CD99: variants seen among roughly 807,000 people sequenced by gnomAD.
CD99 encodes CD99 molecule (Xg blood group).
A neutral mutation model predicts 28.4 loss-of-function variants in CD99; 19 were observed. That is an observed-to-expected ratio of 0.67 (90% CI 0.47 to 0.98). The LOEUF is 0.98. Among genes scored for constraint, CD99 ranks in the 50% least tolerant of loss-of-function variants. The pLI, the probability that CD99 is intolerant of heterozygous loss-of-function variation, is 0.00. For missense variants in CD99, 283 were observed against 248.8 expected (o/e 1.14, Z -0.92); for synonymous variants, 103 against 92.1 (o/e 1.12, Z -0.67).
At chrX:2,738,863 TTAGAGA>T (rs1471294075) in intron 9 of CD99, among the ~76,000 whole-genome samples, 1 of 151,804 alleles carries the variant, frequency 6.6e-6, no homozygotes, top group African/African-American at 2.4e-5. Context: ...TTTTTTGTTG[TTAGAGA>T]TAGGGTCTCA....
intron 1 of CD99, chrX:2,692,078 C>T (rs2047335941): frequency 1.7e-6 from 1 of 605,624 alleles, no homozygotes; most frequent in Non-Finnish European, 3.0e-6. Flanking sequence ...GTGGAGAATT[C>T]GGAAAACAGA....
chrX:2,726,532 C>T, intron 8 of CD99, 159 bp downstream of exon 8: 3 of 698,792 alleles, frequency 4.3e-6, no homozygotes, highest in Non-Finnish European at 7.8e-6. Flanking sequence ...AACCTTCTGG[C>T]TTTGATTTCA....
intron 1 of CD99, among the ~76,000 whole-genome samples, chrX:2,693,958 C>G (rs2047450599): frequency 6.6e-6 from 1 of 152,172 alleles, no homozygotes; most frequent in Non-Finnish European, 1.5e-5. Context: ...AGGACGGCCT[C>G]CAGCACAAAG....
At chrX:2,740,568 C>T (rs2050149873) in intron 9 of CD99, among the ~76,000 whole-genome samples, 1 of 149,930 alleles carries the variant, frequency 6.7e-6, no homozygotes, top group African/African-American at 2.5e-5. Flanking sequence ...TCTGCTTTTT[C>T]TGCAGCATCC....
chrX:2,717,760 T>A (rs918364531), intron 3 of CD99, 108 bp downstream of exon 3: 2 of 960,858 alleles, frequency 2.1e-6, no homozygotes, highest in African/African-American at 3.3e-5. Context: ...ATTTGAGTGC[T>A]CCGGCTGGAG....
rs1299673131 is a variant in CD99, at chrX:2,726,792, C to T, written c.475+419C>T. On this transcript the variant is annotated intron_variant, in intron 8 of 9. Transcript: ENST00000381192. Reference sequence around the variant, plus strand: ...CCGATGTCATCATCAGGAGGAGAGCCGTGACCAGGGGGCCGCCACGGTCCT... The same window carrying T: ...CCGATGTCATCATCAGGAGGAGAGCTGTGACCAGGGGGCCGCCACGGTCCT... Among the ~76,000 whole-genome samples, 5 of 151,198 alleles carry T rather than the reference C, an allele frequency of 3.3e-5. 1 individual carries two copies. The highest frequency in any genetic ancestry group is 1.9e-4 in the East Asian group (1 of 5,170).
chrX:2,740,918 G>A lies in CD99; in HGVS notation c.*114G>A. 8.7e-7 allele frequency: 1 copy of A among 1,143,600 alleles called. No homozygotes were observed. The allele number at this position is 1,143,600 out of a possible 1,614,324, so 70.8% of individuals were successfully genotyped here. On this transcript the variant is annotated 3_prime_UTR_variant, in exon 10 of 10. Coordinates refer to ENST00000381192, the MANE Select transcript of CD99 (RefSeq NM_002414.5). Reference sequence around the variant, plus strand: ...CAGAGATGGAGGCCTTCTGTTCACGGCGGATTCTTTGTTTTAATCTTGCGA... The same window carrying A: ...CAGAGATGGAGGCCTTCTGTTCACGACGGATTCTTTGTTTTAATCTTGCGA...
chrX:2,692,824 C>G (rs1481609855), intron 1 of CD99, among the ~76,000 whole-genome samples: 1 of 152,166 alleles, frequency 6.6e-6, no homozygotes, highest in African/African-American at 2.4e-5. Flanking sequence ...CCTTCTTTTG[C>G]ACCTACTGTG....
intron 8 of CD99, among the ~76,000 whole-genome samples, chrX:2,733,051 G>A (rs188856154): frequency 3.2e-5 from 4 of 123,330 alleles, no homozygotes; most frequent in East Asian, 2.2e-4. Flanking sequence ...TTCCCTCCTC[G>A]TTCCTTCCCT....
chrX:2,703,415 C>T (rs1569428240), intron 1 of CD99, among the ~76,000 whole-genome samples: 1 of 152,100 alleles, frequency 6.6e-6, no homozygotes. Flanking sequence ...TGTCTATTCA[C>T]TGCGGTGTCT....
chrX:2,714,109 A>G (rs2048572558), intron 1 of CD99, among the ~76,000 whole-genome samples: 1 of 152,216 alleles, frequency 6.6e-6, no homozygotes, highest in East Asian at 1.9e-4. Context: ...CATATTCAAA[A>G]TTGTTATTCA....
chrX:2,736,329 A>C (rs2049938377), intron 8 of CD99, among the ~76,000 whole-genome samples: 1 of 151,854 alleles, frequency 6.6e-6, no homozygotes, highest in African/African-American at 2.4e-5. Flanking sequence ...TGTGAGGGGG[A>C]AACGCATGGC....
chrX:2,732,223 T>C (rs1157425271), intron 8 of CD99, among the ~76,000 whole-genome samples: 1 of 152,096 alleles, frequency 6.6e-6, no homozygotes, highest in African/African-American at 2.4e-5. Flanking sequence ...TGACTTCGCA[T>C]CTGGGTGTGT....
rs554221064 is a variant in CD99, at chrX:2,702,666, G to C, written c.67+11239G>C. ...TAAACATGTGTCATGAGGTTTTGTT[G>C]TACAGATTATTTCATCACTGTGGTA... On this transcript the variant is annotated intron_variant, in intron 1 of 9. Transcript: ENST00000381192. Among the ~76,000 whole-genome samples, 25 of 152,104 alleles carry C rather than the reference G, an allele frequency of 1.6e-4. 1 individual carries two copies. The highest frequency in any genetic ancestry group is 5.8e-4 in the African/African-American group (24 of 41,498).
chrX:2,725,979 G>T (rs1057230690), intron 7 of CD99, among the ~76,000 whole-genome samples: 1 of 152,084 alleles, frequency 6.6e-6, no homozygotes, highest in Non-Finnish European at 1.5e-5. Context: ...GCTTCTGCCC[G>T]TACCTCGCTG....
intron 5 of CD99, 51 bp downstream of exon 5, chrX:2,720,475 G>C (rs770114073): frequency 1.2e-5 from 19 of 1,540,626 alleles, no homozygotes; most frequent in Non-Finnish European, 1.7e-5. Flanking sequence ...AGAATTCAGC[G>C]ATATTTATGT....
At chrX:2,723,882 A>G (rs1201501539) in intron 7 of CD99, among the ~76,000 whole-genome samples, 1 of 152,090 alleles carries the variant, frequency 6.6e-6, no homozygotes, top group Non-Finnish European at 1.5e-5. Context: ...ATAATGACAG[A>G]CAGAATTCCT....
chrX:2,700,772 A>G (rs759499836), intron 1 of CD99, among the ~76,000 whole-genome samples: 71 of 150,594 alleles, frequency 4.7e-4, no homozygotes, highest in African/African-American at 6.1e-4. Flanking sequence ...CCTTTCATCA[A>G]TTTACCCATC....
rs768171542 is a variant in CD99 at position 2,693,749 on chromosome X, A to T, written c.67+2322A>T. On this transcript the variant is annotated intron_variant, in intron 1 of 9. Transcript: ENST00000381192. ...GTGGGATGTGGTGAGGGATGGATGG[A>T]CAGAGGGAGGTGTATAGAGGAAAAG... 9.2e-5 allele frequency among the ~76,000 whole-genome samples: 14 copies of T among 152,170 alleles called. No individual in the cohort carries two copies. In the South Asian group the frequency reaches 2.9e-3, roughly 32 times the overall value.
Sources: gnomAD v4.1 joint callset for allele counts (sites outside exome capture counted in the v4.1 genomes callset) on GRCh38, gnomAD v4.1.1 for gene constraint, MANE v1.5 for transcripts, NCBI Gene and HGNC (gene_info 2026-07-23, HGNC 2026-07-21) for gene names.